The following RUNX3 variants were observed in gnomAD, a reference collection of about 807,000 sequenced individuals.
The protein encoded by RUNX3 is RUNX family transcription factor 3, also known as runt-related transcription factor 3.
Under a neutral mutation model 27.7 loss-of-function variants are expected in RUNX3, and 10 were observed. The observed-to-expected ratio is 0.36, with a 90% CI of 0.22 to 0.61. The LOEUF is 0.61. RUNX3 is among the 20% of genes least tolerant of loss of function. The probability of loss-of-function intolerance (pLI) is 0.72; values close to 1 mark genes in which losing one functional copy is unlikely to be tolerated. For synonymous variants in RUNX3, 270 were observed against 269.2 expected, an observed-to-expected ratio of 1.00 and a Z score of -0.03; for missense variants, 469 against 629.5, an observed-to-expected ratio of 0.75 and a Z score of 2.73.
chr1:24,927,741 G>A lies in RUNX3; in HGVS notation c.283-11C>T, dbSNP rs922570496. ...CCCCAATGCCACCACCTGAAGACACGGGGCGGGGGGATGCAGGGGGACAGC... is the reference window on the plus strand; with the variant it reads ...CCCCAATGCCACCACCTGAAGACACAGGGCGGGGGGATGCAGGGGGACAGC... On this transcript the variant is annotated splice_polypyrimidine_tract_variant and intron_variant, in intron 1 of 4. Transcript: ENST00000308873. This position sits in a 1 kb window ranked among gnomAD's most constrained non-coding sequence, Gnocchi z 5.0. 5.0e-6 allele frequency: 8 copies of A among 1,613,536 alleles called. No individual in the cohort carries two copies. In the African/African-American group the frequency reaches 5.3e-5, roughly 11 times the overall value.
At chr1:24,925,288 C>T (rs1293897693) in intron 2 of RUNX3, among the ~76,000 whole-genome samples, 1 of 152,178 alleles carries the variant, frequency 6.6e-6, no homozygotes, top group Non-Finnish European at 1.5e-5. Flanking sequence ...ACCTCTCCCA[C>T]TCAGCAGTTC....
Position 24,902,526 on chromosome 1 carries a change from C to T in RUNX3, c.844G>A (p.Ala282Thr), listed in dbSNP as rs149811022. The T allele has an allele frequency of 1.6e-5, 26 of 1,594,628 alleles. No individual in the cohort carries two copies. Among genetic ancestry groups the T allele is most frequent in the East Asian group, 4.5e-5 (2 of 44,414 alleles). Residue 282 changes from alanine (A) to threonine (T), a missense_variant, in exon 5 of 5, where the codon GCC becomes ACC. Physicochemically the swap from Ala to Thr is moderately conservative, Grantham distance 58. This residue lies in a region of RUNX3 where 279 missense variants were observed against 343.0 expected (regional missense o/e 0.81). Transcript: ENST00000308873. The surrounding 1 kb of genome is among the most constrained non-coding windows in gnomAD (Gnocchi z 9.2). ...GAMSAAFPYS[A>T]TPSGTSISSL... Reference sequence around the variant, plus strand: ...CTGATGCTCGTGCCCGAGGGCGTGGCGCTGTAGGGGAAGGCAGCTGACATG... The same window carrying T: ...CTGATGCTCGTGCCCGAGGGCGTGGTGCTGTAGGGGAAGGCAGCTGACATG...
chr1:24,915,457 A>G (rs1382345984), intron 3 of RUNX3, among the ~76,000 whole-genome samples: 1 of 152,158 alleles, frequency 6.6e-6, no homozygotes, highest in Non-Finnish European at 1.5e-5. Context: ...GGAGAAATGA[A>G]TAACAAATGA....
chr1:24,964,908 A>G (rs963822247), exon 1 of RUNX3: 3 of 368,304 alleles, frequency 8.1e-6, no homozygotes, highest in Non-Finnish European at 1.5e-5. Flanking sequence ...TGCAGAGTGT[A>G]TCATTAGATG....
In RUNX3 at chr1:24,900,328, G is replaced by T. The variant is rs1325699709; in HGVS notation, c.*1794C>A. ...GTGTCTCTGGTGTATGGTTCTGGCC[G>T]TTGTGACAGGTTGGGTGGGGACAGT... On this transcript the variant is annotated 3_prime_UTR_variant, in exon 5 of 5. Coordinates refer to ENST00000308873, the MANE Select transcript of RUNX3 (RefSeq NM_004350.3). The T allele has an allele frequency of 6.6e-6, 1 of 152,386 alleles. No individual in the cohort carries two copies. The highest frequency in any genetic ancestry group is 2.1e-4 in the South Asian group (1 of 4,832). 9.4% of individuals were successfully genotyped at this position (152,386 alleles called of 1,614,324 possible). A position where few individuals can be genotyped will look rare whatever the true frequency, so the allele number is the denominator to read the frequency against.
At chr1:24,926,282 G>A (rs1359512074) in intron 2 of RUNX3, among the ~76,000 whole-genome samples, 1 of 152,182 alleles carries the variant, frequency 6.6e-6, no homozygotes, top group Non-Finnish European at 1.5e-5. Context: ...ATGACAAAAG[G>A]GACTTGGAGA....
intron 2 of RUNX3, among the ~76,000 whole-genome samples, chr1:24,956,365 G>T (rs1848186): frequency 0.72 from 109,999 of 152,262 alleles, 40,722 homozygotes; most frequent in African/African-American, 0.89. Flanking sequence ...ATAAAATAAA[G>T]GTTACCTGCC....
chr1:24,929,316 C>T (rs1254157728), intron 1 of RUNX3: 8 of 674,720 alleles, frequency 1.2e-5, no homozygotes, highest in South Asian at 1.1e-4. Context: ...ACCCCATCCG[C>T]CCATTTCCGC....
chr1:24,929,626 C>A lies in RUNX3; in HGVS notation c.243G>T (p.Ser81=), dbSNP rs1364012153. 2 of 1,608,934 alleles carry A rather than the reference C, an allele frequency of 1.2e-6. No homozygotes were observed. Among genetic ancestry groups the A allele is most frequent in the South Asian group, 1.1e-5 (1 of 90,906 alleles). The change falls in exon 1 of 5, where the codon TCG becomes TCT. Residue 81 remains serine, a synonymous_variant. Coordinates refer to ENST00000308873, the MANE Select transcript of RUNX3 (RefSeq NM_004350.3). ...GCAGCGTCTTGTTGCAGCGCCAGTG[C>A]GAGGGCAGCACGGAGCAGAGGAAGT... ...SPNFLCSVLP[S]HWRCNKTLPV...
In RUNX3 at chr1:24,900,292, A is replaced by C. The variant is rs576689429; in HGVS notation, c.*1830T>G. On this transcript the variant is annotated 3_prime_UTR_variant, in exon 5 of 5. Coordinates refer to ENST00000308873, the MANE Select transcript of RUNX3 (RefSeq NM_004350.3). Reference sequence around the variant, plus strand: ...AATAGGATCACCAGAAGGACTGCCTAACCTGCCAGTGTGTCTCTGGTGTAT... The same window carrying C: ...AATAGGATCACCAGAAGGACTGCCTCACCTGCCAGTGTGTCTCTGGTGTAT... 2.2e-4 allele frequency: 33 copies of C among 152,486 alleles called. No homozygotes were observed. Among genetic ancestry groups the C allele is most frequent in the African/African-American group, 7.5e-4 (31 of 41,590 alleles). The allele number at this position is 152,486 out of a possible 1,614,324, so 9.4% of individuals were successfully genotyped here.
chr1:24,929,804 C>T lies in RUNX3; in HGVS notation c.65G>A (p.Cys22Tyr). ...RFTPPSPAFPCGGGGGKMGEN... is the reference protein window; with the variant it reads ...RFTPPSPAFPYGGGGGKMGEN... ...GCCCATCTTGCCGCCGCCGCCGCCGCAGGGGAAGGCCGGGGAGGGAGGTGT... is the reference window on the plus strand; with the variant it reads ...GCCCATCTTGCCGCCGCCGCCGCCGTAGGGGAAGGCCGGGGAGGGAGGTGT... The change falls in exon 1 of 5, where the codon TGC (cysteine) becomes TAC (tyrosine). Residue 22 changes from cysteine (C) to tyrosine (Y), a missense_variant. Cys to Tyr is a radical substitution (Grantham distance 194). Around this residue, in one of 3 missense-constraint regions of RUNX3, gnomAD observed 115 missense variants for 118.0 expected, o/e 0.97. Transcript: ENST00000308873. 1 of 1,422,384 alleles carries T rather than the reference C, an allele frequency of 7.0e-7. No homozygotes were observed. Among genetic ancestry groups the T allele is most frequent in the Non-Finnish European group, 9.1e-7 (1 of 1,096,604 alleles). 88.1% of individuals were successfully genotyped at this position (1,422,384 alleles called of 1,614,324 possible).
chr1:24,905,279 G>T lies in RUNX3; in HGVS notation c.703+1980C>A, dbSNP rs371043352. On this transcript the variant is annotated intron_variant, in intron 4 of 4. Transcript: ENST00000308873. Reference sequence around the variant, plus strand: ...ACCTCCTTCTCCCCACTTCACAGATGAGAAAACTGAGGCTGAGTTTAAGTG... The same window carrying T: ...ACCTCCTTCTCCCCACTTCACAGATTAGAAAACTGAGGCTGAGTTTAAGTG... 1.4e-4 allele frequency among the ~76,000 whole-genome samples: 22 copies of T among 152,332 alleles called. 1 individual carries two copies. In the South Asian group the frequency reaches 4.6e-3, roughly 32 times the overall value.
At chr1:24,911,704 C>A (rs535530476) in intron 3 of RUNX3, among the ~76,000 whole-genome samples, 1 of 152,340 alleles carries the variant, frequency 6.6e-6, no homozygotes, top group South Asian at 2.1e-4. Flanking sequence ...GATTCACACC[C>A]GGATCCCCCG....
rs983309157 is a variant in RUNX3 at position 24,901,835 on chromosome 1, G to C, written c.*287C>G. On this transcript the variant is annotated 3_prime_UTR_variant, in exon 5 of 5. Transcript: ENST00000308873. ...AGCTGGAGACAGTGAGGTCCTTCCG[G>C]GGGGGTGGCAGGAGGCTGATTCCCC... is the stretch of plus-strand genomic sequence containing the variant. The C allele has an allele frequency of 1.4e-5, 6 of 441,580 alleles. No homozygotes were observed. The highest frequency in any genetic ancestry group is 2.4e-5 in the Non-Finnish European group (6 of 246,718). 27.4% of individuals were successfully genotyped at this position (441,580 alleles called of 1,614,324 possible). A position where few individuals can be genotyped will look rare whatever the true frequency, so the allele number is the denominator to read the frequency against.
intron 2 of RUNX3, among the ~76,000 whole-genome samples, chr1:24,950,577 G>A (rs116400024): frequency 1.4e-3 from 213 of 152,348 alleles, no homozygotes; most frequent in African/African-American, 4.6e-3. Flanking sequence ...AGGTAGCCCT[G>A]GAACATAGCA....
chr1:24,927,370 T>C lies in RUNX3; in HGVS notation c.439+204A>G, dbSNP rs142477641. On this transcript the variant is annotated intron_variant, in intron 2 of 4. Coordinates refer to ENST00000308873, the MANE Select transcript of RUNX3 (RefSeq NM_004350.3). The surrounding 1 kb of genome is among the most constrained non-coding windows in gnomAD (Gnocchi z 5.0). ...TAAACCCTAGAAACTGGGAGAAAAT[T>C]GTCTTTTTCTGGCAAGAGACCATAA... 6.6e-6 allele frequency among the ~76,000 whole-genome samples: 1 copy of C among 152,080 alleles called. No individual in the cohort carries two copies. The highest frequency in any genetic ancestry group is 2.4e-5 in the African/African-American group (1 of 41,390).
chr1:24,928,911 T>C (rs1190689175), intron 1 of RUNX3: 1 of 391,122 alleles, frequency 2.6e-6, no homozygotes, highest in Non-Finnish European at 5.0e-6. Context: ...ACCGAGGCGT[T>C]TTCGTTTCAT....
intron 2 of RUNX3, among the ~76,000 whole-genome samples, chr1:24,948,542 G>T (rs781757275): frequency 3.3e-5 from 5 of 152,134 alleles, no homozygotes; most frequent in East Asian, 1.9e-4. Flanking sequence ...CAGGGAAGGG[G>T]TACATGCAGG....
At chr1:24,930,315 G>A (rs1430770061), upstream of RUNX3, 63 of 801,294 alleles carry the variant, frequency 7.9e-5, no homozygotes, top group Non-Finnish European at 9.5e-5. The surrounding 1 kb of genome is among the most constrained non-coding windows in gnomAD (Gnocchi z 4.1). Flanking sequence ...TACCCCCGGG[G>A]CCCGCGGGGC....
Sources: gnomAD v4.1 joint callset for allele counts (sites outside exome capture counted in the v4.1 genomes callset) on GRCh38, gnomAD v4.1.1 for gene constraint, gnomAD v4.1.1 regional missense constraint, Gnocchi (gnomAD v3.1) non-coding constraint, MANE v1.5 for transcripts, NCBI Gene and HGNC (gene_info 2026-07-23, HGNC 2026-07-21) for gene names.